The following UTRN variants were observed in gnomAD, a reference collection of about 807,000 sequenced individuals.
The protein encoded by UTRN is utrophin.
In UTRN, 283 loss-of-function variants were observed where a neutral mutation model predicts 463.9. That is an observed-to-expected ratio of 0.61 (90% confidence interval 0.55 to 0.67). The LOEUF (loss-of-function observed/expected upper bound fraction) is 0.67, where lower values mean the gene tolerates loss of function less well. Ranked by LOEUF, UTRN falls within the 30% of genes least tolerant of loss-of-function variation. UTRN has a pLI of 0.00. For missense variants in UTRN, 3,922 were observed against 4,084.3 expected, an observed-to-expected ratio of 0.96 and a Z score of 1.08; for synonymous variants, 1,442 against 1,431.5, an observed-to-expected ratio of 1.01 and a Z score of -0.17.
rs869162347 is a variant in UTRN, at chr6:144,343,409, C to A, written c.79+51502C>A. 3.2e-4 allele frequency among the ~76,000 whole-genome samples: 46 copies of A among 141,598 alleles called. No individual in the cohort carries two copies. The South Asian group carries it at 4.3e-3, about 13-fold the overall frequency. The allele number at this position is 141,598 out of a possible 152,430, so 92.9% of individuals were successfully genotyped here. A position where few individuals can be genotyped will look rare whatever the true frequency, so the allele number is the denominator to read the frequency against. On this transcript the variant is annotated intron_variant, in intron 2 of 74. Coordinates refer to ENST00000367545, the MANE Select transcript of UTRN (RefSeq NM_007124.3). ...ACACACACACACACACACACACACACAATAGCCGGGCATGGTGGTGGGCAC... is the reference window on the plus strand; with the variant it reads ...ACACACACACACACACACACACACAAAATAGCCGGGCATGGTGGTGGGCAC...
intron 53 of UTRN, among the ~76,000 whole-genome samples, chr6:144,728,237 T>G (rs1341822715): frequency 6.6e-6 from 1 of 152,156 alleles, no homozygotes; most frequent in Non-Finnish European, 1.5e-5. Context: ...ATTTTTTAAG[T>G]AACATGATTT....
chr6:144,751,984 T>G (rs750932166), intron 56 of UTRN, 32 bp downstream of exon 56: 1 of 1,568,290 alleles, frequency 6.4e-7, no homozygotes, highest in East Asian at 2.3e-5. Flanking sequence ...TAATGCAGGC[T>G]TACACCTTGG....
At chr6:144,336,447 G>C (rs1776726232) in intron 2 of UTRN, among the ~76,000 whole-genome samples, 1 of 152,160 alleles carries the variant, frequency 6.6e-6, no homozygotes. Context: ...CCACATTGGG[G>C]TTCATAGGCT....
intron 51 of UTRN, among the ~76,000 whole-genome samples, chr6:144,590,108 G>A (rs1802873250): frequency 6.6e-6 from 1 of 152,084 alleles, no homozygotes; most frequent in African/African-American, 2.4e-5. Context: ...CAATCTGCCT[G>A]CCTCGGCCTT....
At chr6:144,528,316 A>G (rs1796743102) in intron 41 of UTRN, among the ~76,000 whole-genome samples, 1 of 152,138 alleles carries the variant, frequency 6.6e-6, no homozygotes, top group South Asian at 2.1e-4. Flanking sequence ...GATTACAGGC[A>G]TGAGCCACTG....
At chr6:144,687,038 T>C (rs1782841921) in intron 52 of UTRN, among the ~76,000 whole-genome samples, 2 of 152,134 alleles carry the variant, frequency 1.3e-5, no homozygotes, top group East Asian at 1.9e-4. Flanking sequence ...CATTTCAAGA[T>C]TGAGAACTCC....
chr6:144,331,457 G>C (rs1340679877), intron 2 of UTRN, among the ~76,000 whole-genome samples: 2 of 152,168 alleles, frequency 1.3e-5, no homozygotes, highest in African/African-American at 4.8e-5. Flanking sequence ...AAAAGTGTCT[G>C]TTGTATGAAA....
intron 51 of UTRN, among the ~76,000 whole-genome samples, chr6:144,590,024 T>C (rs931285530): frequency 1.3e-5 from 2 of 151,754 alleles, no homozygotes; most frequent in Non-Finnish European, 2.9e-5. Flanking sequence ...ACCGGGCTAA[T>C]TTTTTTGTAT....
intron 54 of UTRN, among the ~76,000 whole-genome samples, chr6:144,738,935 T>C (rs1289347994): frequency 6.6e-6 from 1 of 152,194 alleles, no homozygotes; most frequent in Non-Finnish European, 1.5e-5. Context: ...TATTTGTGCA[T>C]GTATAGTTGA....
At position 144,516,874 on chromosome 6, in the gene UTRN, C is replaced by T; in HGVS notation, c.5467C>T (p.Pro1823Ser). The T allele has an allele frequency of 6.6e-7, 1 of 1,511,800 alleles. No individual in the cohort carries two copies. The highest frequency in any genetic ancestry group is 8.8e-7 in the Non-Finnish European group (1 of 1,130,850). The allele number at this position is 1,511,800 out of a possible 1,614,324, so 93.6% of individuals were successfully genotyped here. A position where few individuals can be genotyped will look rare whatever the true frequency, so the allele number is the denominator to read the frequency against. ...AAGAGGAGAAGAAATGTTACATCAACCTATGGAAGATAATAAAAAAGAAAA... is the reference window on the plus strand; with the variant it reads ...AAGAGGAGAAGAAATGTTACATCAATCTATGGAAGATAATAAAAAAGAAAA... ...LQRGEEMLHQ[P>S]MEDNKKEKIR... is the part of the protein sequence containing the mutation. The change falls in exon 39 of 75, where the codon CCT becomes TCT. Residue 1823 changes from proline (P) to serine (S), a missense_variant. This residue lies in a region of UTRN where 2,349 missense variants were observed against 2,303.8 expected (regional missense o/e 1.02). Coordinates refer to ENST00000367545, the MANE Select transcript of UTRN (RefSeq NM_007124.3).
intron 66 of UTRN, among the ~76,000 whole-genome samples, chr6:144,823,317 A>G (rs772030734): frequency 7.2e-5 from 11 of 152,076 alleles, no homozygotes; most frequent in African/African-American, 9.7e-5. Context: ...TCGGGATTTG[A>G]TATAGTTCAC....
chr6:144,328,949 A>G (rs1473448239), intron 2 of UTRN, among the ~76,000 whole-genome samples: 5 of 151,846 alleles, frequency 3.3e-5, no homozygotes, highest in Admixed American at 1.3e-4. Context: ...GTACCCAGCT[A>G]ATTTTTTGTA....
At chr6:144,618,197 G>A (rs1267157888) in intron 51 of UTRN, among the ~76,000 whole-genome samples, 2 of 152,106 alleles carry the variant, frequency 1.3e-5, no homozygotes, top group African/African-American at 2.4e-5. Context: ...AATTTTTAAT[G>A]TCATTGTCAT....
At chr6:144,499,845 C>G (rs971618037) in intron 34 of UTRN, among the ~76,000 whole-genome samples, 8 of 152,182 alleles carry the variant, frequency 5.3e-5, no homozygotes, top group Non-Finnish European at 1.0e-4. Context: ...TTAGCCCCCA[C>G]TTGTAAGCGA....
intron 2 of UTRN, chr6:144,344,102 A>AC (rs1777369152): frequency 8.5e-7 from 1 of 1,171,030 alleles, no homozygotes; most frequent in South Asian, 1.6e-5. Context: ...AAAAAAAAAA[A>AC]AAAAAAAACC....
intron 60 of UTRN, among the ~76,000 whole-genome samples, chr6:144,778,680 T>A (rs1775554108): frequency 6.6e-6 from 1 of 151,960 alleles, no homozygotes; most frequent in Non-Finnish European, 1.5e-5. Context: ...TGGAGAAGTG[T>A]CACTGAAGCC....
At chr6:144,744,678 G>GA (rs553061337) in intron 54 of UTRN, among the ~76,000 whole-genome samples, 102 of 149,894 alleles carry the variant, frequency 6.8e-4, no homozygotes, top group Middle Eastern at 7.0e-3. Context: ...AGTGACATAG[G>GA]AAAAAAAAGT....
intron 2 of UTRN, among the ~76,000 whole-genome samples, chr6:144,357,953 T>G (rs1778717474): frequency 1.3e-5 from 2 of 152,234 alleles, no homozygotes; most frequent in Admixed American, 1.3e-4. Flanking sequence ...CGCCATCTTG[T>G]CCCCAACCAT....
At chr6:144,700,722 C>G (rs1784502951) in intron 53 of UTRN, among the ~76,000 whole-genome samples, 1 of 150,940 alleles carries the variant, frequency 6.6e-6, no homozygotes, top group Non-Finnish European at 1.5e-5. Context: ...TGCCTGCCAT[C>G]ACACCCAACT....
Sources: gnomAD v4.1 joint callset for allele counts (sites outside exome capture counted in the v4.1 genomes callset) on GRCh38, gnomAD v4.1.1 for gene constraint, gnomAD v4.1.1 regional missense constraint, MANE v1.5 for transcripts, NCBI Gene and HGNC (gene_info 2026-07-23, HGNC 2026-07-21) for gene names.